The following RIMS2 variants were observed in gnomAD, a reference collection of about 807,000 sequenced individuals.
RIMS2 encodes regulating synaptic membrane exocytosis protein 2.
In RIMS2, 59 loss-of-function variants were observed where a neutral mutation model predicts 174.4. That is an observed-to-expected ratio of 0.34 (90% confidence interval 0.27 to 0.42). The LOEUF (loss-of-function observed/expected upper bound fraction) is 0.42, where lower values mean the gene tolerates loss of function less well. Ranked by LOEUF, RIMS2 falls within the 10% of genes least tolerant of loss-of-function variation. The probability of loss-of-function intolerance (pLI) is 1.00; values close to 1 mark genes in which losing one functional copy is unlikely to be tolerated. For missense variants in RIMS2, 1,620 were observed against 1,666.3 expected, an observed-to-expected ratio of 0.97 and a Z score of 0.48; for synonymous variants, 606 against 572.5, an observed-to-expected ratio of 1.06 and a Z score of -0.84.
intron 1 of RIMS2, among the ~76,000 whole-genome samples, chr8:103,696,751 T>C (rs2097105743): frequency 6.6e-6 from 1 of 150,558 alleles, no homozygotes; most frequent in East Asian, 2.0e-4. Flanking sequence ...TAGTCCTAGC[T>C]ATTCAGGAGG....
chr8:103,716,752 T>C (rs1395581531), intron 2 of RIMS2, among the ~76,000 whole-genome samples: 1 of 152,158 alleles, frequency 6.6e-6, no homozygotes, highest in East Asian at 1.9e-4. Flanking sequence ...GAATATGAAT[T>C]TTCTGAAGTA....
chr8:103,796,629 T>C (rs1393898564), intron 3 of RIMS2, among the ~76,000 whole-genome samples: 1 of 152,188 alleles, frequency 6.6e-6, no homozygotes. Context: ...TTTGCTCTGC[T>C]TTTCCTCTTA....
chr8:104,234,497 T>C (rs1268705930), intron 19 of RIMS2, among the ~76,000 whole-genome samples: 1 of 151,576 alleles, frequency 6.6e-6, no homozygotes, highest in Admixed American at 6.6e-5. Flanking sequence ...CAGGAATGGA[T>C]TATTTTCTAA....
chr8:104,021,442 G>A (rs1408673645), intron 19 of RIMS2, among the ~76,000 whole-genome samples: 9 of 152,088 alleles, frequency 5.9e-5, no homozygotes, highest in Middle Eastern at 3.2e-3. Flanking sequence ...ATTATGAAAG[G>A]AAATGTTGAT....
chr8:104,213,769 C>T (rs912019328), intron 19 of RIMS2, among the ~76,000 whole-genome samples: 3 of 146,190 alleles, frequency 2.1e-5, no homozygotes, highest in Non-Finnish European at 4.5e-5. Context: ...CCCTGCTACT[C>T]AGGAGGCTGA....
intron 3 of RIMS2, among the ~76,000 whole-genome samples, chr8:103,858,006 A>G (rs1340452656): frequency 6.6e-6 from 1 of 152,220 alleles, no homozygotes; most frequent in African/African-American, 2.4e-5. Flanking sequence ...TAGTGCAGTA[A>G]GTTACAGAGA....
At chr8:103,794,816 C>T (rs1354391976) in intron 3 of RIMS2, among the ~76,000 whole-genome samples, 1 of 152,138 alleles carries the variant, frequency 6.6e-6, no homozygotes, top group Non-Finnish European at 1.5e-5. Flanking sequence ...TTTATGCAGC[C>T]AACAGACACA....
chr8:103,534,098 C>A (rs1838700829), intron 1 of RIMS2, among the ~76,000 whole-genome samples: 1 of 152,160 alleles, frequency 6.6e-6, no homozygotes, highest in Non-Finnish European at 1.5e-5. Flanking sequence ...GCTTTTGCTG[C>A]AAAATTGATA....
At chr8:103,711,577 TA>T (rs1461599284) in intron 2 of RIMS2, among the ~76,000 whole-genome samples, 1 of 152,146 alleles carries the variant, frequency 6.6e-6, no homozygotes, top group Non-Finnish European at 1.5e-5. Flanking sequence ...GTGTATAAGC[TA>T]AATATGCAGC....
intron 3 of RIMS2, among the ~76,000 whole-genome samples, chr8:103,865,284 C>CTTTTTT (rs67300843): frequency 1.8e-4 from 21 of 119,730 alleles, no homozygotes; most frequent in East Asian, 4.5e-4. Flanking sequence ...CAGTTTTTTT[C>CTTTTTT]TTTTTTTTTT....
chr8:104,231,141 C>T (rs964718004), intron 19 of RIMS2, among the ~76,000 whole-genome samples: 4 of 152,088 alleles, frequency 2.6e-5, no homozygotes, highest in Non-Finnish European at 5.9e-5. Context: ...GTTTGGGACA[C>T]GTGAGCTCAC....
chr8:104,166,059 C>CTTTTT lies in RIMS2; in HGVS notation c.3335-78836_3335-78832dup, dbSNP rs560648211. On this transcript the variant is annotated intron_variant, in intron 19 of 23. Transcript: ENST00000504942. ...CTCACTGGAGTGGTATTTTGGATTT[C>CTTTTT]TTTTTTTTTTTTTTTTTTTTTTTTT... 3.3e-4 allele frequency among the ~76,000 whole-genome samples: 32 copies of CTTTTT among 97,826 alleles called. 1 individual carries two copies. The highest frequency in any genetic ancestry group is 6.6e-4 in the African/African-American group (17 of 25,684). 64.2% of individuals were successfully genotyped at this position (97,826 alleles called of 152,430 possible).
chr8:104,070,068 A>G (rs1248997708), intron 19 of RIMS2, among the ~76,000 whole-genome samples: 1 of 152,216 alleles, frequency 6.6e-6, no homozygotes, highest in Non-Finnish European at 1.5e-5. Context: ...TTTCTATTAC[A>G]TTACATCCCT....
At chr8:104,037,007 G>A (rs1239003056) in intron 19 of RIMS2, among the ~76,000 whole-genome samples, 4 of 152,282 alleles carry the variant, frequency 2.6e-5, no homozygotes, top group African/African-American at 9.6e-5. Flanking sequence ...TATTGTAAAT[G>A]TTCAGTAATT....
intron 19 of RIMS2, among the ~76,000 whole-genome samples, chr8:104,033,046 G>A (rs995539136): frequency 6.6e-6 from 1 of 151,932 alleles, no homozygotes; most frequent in Non-Finnish European, 1.5e-5. Flanking sequence ...TGTAACATAA[G>A]TCTGAAGAGC....
intron 3 of RIMS2, among the ~76,000 whole-genome samples, chr8:103,803,474 TA>T (rs565162436): frequency 1.2e-4 from 19 of 152,224 alleles, no homozygotes; most frequent in South Asian, 2.1e-4. Context: ...AAATAACTGA[TA>T]AAAAAATTTA....
chr8:104,085,667 A>G lies in RIMS2; in HGVS notation c.3334+71052A>G, dbSNP rs140709768. The stretch of plus-strand genomic sequence containing the variant: ...CATAACCCCCGATAGCTAAATATTT[A>G]GATAATATTTGTTTCCATTAAATGA... On this transcript the variant is annotated intron_variant, in intron 19 of 23. Coordinates refer to ENST00000504942, the Ensembl canonical transcript of RIMS2. 1.5e-3 allele frequency among the ~76,000 whole-genome samples: 231 copies of G among 152,340 alleles called. 1 individual carries two copies. Among genetic ancestry groups the G allele is most frequent in the Middle Eastern group, 3.4e-3 (1 of 294 alleles).
chr8:103,863,414 G>A (rs2099068689), intron 3 of RIMS2, among the ~76,000 whole-genome samples: 1 of 151,994 alleles, frequency 6.6e-6, no homozygotes, highest in African/African-American at 2.4e-5. Context: ...AAGTTTTCTT[G>A]TGGTATGTCT....
At chr8:103,550,727 A>C (rs1423255343) in intron 1 of RIMS2, among the ~76,000 whole-genome samples, 1 of 152,198 alleles carries the variant, frequency 6.6e-6, no homozygotes, top group Non-Finnish European at 1.5e-5. Flanking sequence ...AATAAAGAAG[A>C]AAAGAGAGAA....
Sources: gnomAD v4.1 joint callset for allele counts (sites outside exome capture counted in the v4.1 genomes callset) on GRCh38, gnomAD v4.1.1 for gene constraint, MANE v1.5 for transcripts, NCBI Gene and HGNC (gene_info 2026-07-23, HGNC 2026-07-21) for gene names.